The following AGAP1 variants were observed in gnomAD, a reference collection of about 807,000 sequenced individuals.
The protein encoded by AGAP1 is ArfGAP with GTPase domain, ankyrin repeat and PH domain 1.
Under a neutral mutation model 105.3 loss-of-function variants are expected in AGAP1, and 29 were observed. That is an observed-to-expected ratio of 0.28 (90% CI 0.21 to 0.38). The LOEUF is 0.38. AGAP1 is among the 10% of genes least tolerant of loss of function. The pLI, the probability that AGAP1 is intolerant of heterozygous loss-of-function variation, is 1.00. For missense variants in AGAP1, 998 were observed against 1,165.1 expected, an observed-to-expected ratio of 0.86 and a Z score of 2.09; for synonymous variants, 509 against 485.9, an observed-to-expected ratio of 1.05 and a Z score of -0.63.
chr2:235,936,008 G>T lies in AGAP1; in HGVS notation c.1483+5085G>T, dbSNP rs1469161777. On this transcript the variant is annotated intron_variant, in intron 12 of 17. Transcript: ENST00000304032. The surrounding 1 kb of genome is among the most constrained non-coding windows in gnomAD (Gnocchi z 4.7). ...TCCCCGCTGGCTCCTGCCTGGGCCAGCCTCGTCGGGTGGTCTCAGCTAATG... is the reference window on the plus strand; with the variant it reads ...TCCCCGCTGGCTCCTGCCTGGGCCATCCTCGTCGGGTGGTCTCAGCTAATG... Among the ~76,000 whole-genome samples the T allele has an allele frequency of 6.6e-6, 1 of 152,190 alleles. No homozygotes were observed. Among genetic ancestry groups the T allele is most frequent in the African/African-American group, 2.4e-5 (1 of 41,460 alleles).
intron 6 of AGAP1, among the ~76,000 whole-genome samples, chr2:235,782,583 T>C (rs748737170): frequency 7.1e-6 from 1 of 141,226 alleles, no homozygotes; most frequent in Non-Finnish European, 1.6e-5. Context: ...CTATGCTTGT[T>C]GTTTTTTTCC....
Position 235,660,256 on chromosome 2 carries a change from A to G in AGAP1, c.164-48923A>G, listed in dbSNP as rs1217660212. ...TCTTTCCCTAACCACTGGAGACTTC[A>G]TAGATAAACTTGCGGGGTCACGGTG... On this transcript the variant is annotated intron_variant, in intron 1 of 17. Transcript: ENST00000304032. This position sits in a 1 kb window ranked among gnomAD's most constrained non-coding sequence, Gnocchi z 5.3. Among the ~76,000 whole-genome samples, 2 of 152,172 alleles carry G rather than the reference A, an allele frequency of 1.3e-5. No individual in the cohort carries two copies. The highest frequency in any genetic ancestry group is 4.8e-5 in the African/African-American group (2 of 41,438).
chr2:235,772,025 T>G (rs1372611387), intron 6 of AGAP1, among the ~76,000 whole-genome samples: 1 of 144,194 alleles, frequency 6.9e-6, no homozygotes, highest in Non-Finnish European at 1.5e-5. Flanking sequence ...AGTTGGAGTC[T>G]CACTCTGTTG....
chr2:235,664,219 T>G lies in AGAP1; in HGVS notation c.164-44960T>G, dbSNP rs1162786477. Among the ~76,000 whole-genome samples the G allele has an allele frequency of 4.6e-5, 7 of 151,842 alleles. No homozygotes were observed. Among genetic ancestry groups the G allele is most frequent in the African/African-American group, 9.7e-5 (4 of 41,420 alleles). ...TTTAATATATAGTTTGTTTTTTTGT[T>G]TTTTTTTTCGAGACGGAGTTTCACT... is the stretch of plus-strand genomic sequence containing the variant. On this transcript the variant is annotated intron_variant, in intron 1 of 17. Coordinates refer to ENST00000304032, the MANE Select transcript of AGAP1 (RefSeq NM_001037131.3). This position sits in a 1 kb window ranked among gnomAD's most constrained non-coding sequence, Gnocchi z 5.7.
chr2:236,095,372 G>A lies in AGAP1; in HGVS notation c.2115-24820G>A, dbSNP rs2059167677. 6.6e-6 allele frequency among the ~76,000 whole-genome samples: 1 copy of A among 152,104 alleles called. No homozygotes were observed. The highest frequency in any genetic ancestry group is 1.5e-5 in the Non-Finnish European group (1 of 68,026). ...TGATCATGCCACTGCATTCCAGCCT[G>A]GTTGACAGAGTTAGACCTTGTCTTG... On this transcript the variant is annotated intron_variant, in intron 16 of 17. Coordinates refer to ENST00000304032, the MANE Select transcript of AGAP1 (RefSeq NM_001037131.3). This position sits in a 1 kb window ranked among gnomAD's most constrained non-coding sequence, Gnocchi z 4.1.
rs567440979 is a variant in AGAP1 at position 235,752,539 on chromosome 2, G to A, written c.673+2051G>A. ...GTGTCGATGGGCTGCAGCGGGTTTG[G>A]GCCCCTCTCCAGCTGTGACAGCAGA... On this transcript the variant is annotated intron_variant, in intron 6 of 17. Transcript: ENST00000304032. The surrounding 1 kb of genome is among the most constrained non-coding windows in gnomAD (Gnocchi z 4.3). Among the ~76,000 whole-genome samples the A allele has an allele frequency of 1.2e-4, 19 of 152,222 alleles. No individual in the cohort carries two copies. The South Asian group carries it at 3.9e-3, about 32-fold the overall frequency.
At chr2:235,651,338 A>G (rs752228677) in intron 1 of AGAP1, among the ~76,000 whole-genome samples, 3 of 152,092 alleles carry the variant, frequency 2.0e-5, no homozygotes, top group Non-Finnish European at 4.4e-5. Flanking sequence ...TCTGCCAGAT[A>G]TCTCCATCAG....
intron 6 of AGAP1, among the ~76,000 whole-genome samples, chr2:235,759,711 G>A (rs1243342551): frequency 1.3e-5 from 2 of 150,806 alleles, no homozygotes; most frequent in Non-Finnish European, 2.9e-5. Flanking sequence ...ATTTGGATGG[G>A]AAAATACATA....
At chr2:235,854,867 G>A (rs574412842) in intron 9 of AGAP1, among the ~76,000 whole-genome samples, 8 of 152,254 alleles carry the variant, frequency 5.3e-5, no homozygotes, top group Admixed American at 1.3e-4. Context: ...TAGTTTTGGA[G>A]TCTGCATCCT....
intron 3 of AGAP1, among the ~76,000 whole-genome samples, chr2:235,738,876 A>G (rs981011368): frequency 1.4e-4 from 22 of 152,076 alleles, no homozygotes; most frequent in Non-Finnish European, 2.9e-4. Context: ...TATTTTTCTT[A>G]AAACAGTCAA....
In AGAP1 at chr2:236,002,822, C is replaced by T. The variant is rs10929156; in HGVS notation, c.1646-33739C>T. Among the ~76,000 whole-genome samples the T allele has an allele frequency of 0.24, 37,136 of 151,766 alleles. 5,485 individuals are homozygous for T. The highest frequency in any genetic ancestry group is 0.35 in the South Asian group (1,665 of 4,790). ...ATAAATATTTATATGATATTTCTTG[C>T]GTTGAATTCAGTATGTGCTCAAGTT... is the stretch of plus-strand genomic sequence containing the variant. On this transcript the variant is annotated intron_variant, in intron 13 of 17. Coordinates refer to ENST00000304032, the MANE Select transcript of AGAP1 (RefSeq NM_001037131.3). This position sits in a 1 kb window ranked among gnomAD's most constrained non-coding sequence, Gnocchi z 4.3.
intron 12 of AGAP1, among the ~76,000 whole-genome samples, chr2:235,948,863 A>G (rs767160004): frequency 1.1e-4 from 16 of 152,220 alleles, no homozygotes; most frequent in Non-Finnish European, 1.9e-4. Context: ...CAGAGCAGCC[A>G]GGTATCAAAT....
chr2:235,513,350 G>A (rs1048598050), intron 1 of AGAP1, among the ~76,000 whole-genome samples: 1 of 151,830 alleles, frequency 6.6e-6, no homozygotes, highest in Non-Finnish European at 1.5e-5. Flanking sequence ...GTGAAACCCC[G>A]TCTCTACTAA....
At chr2:235,677,906 C>CAAAAAAA (rs61111847) in intron 1 of AGAP1, among the ~76,000 whole-genome samples, 6 of 62,996 alleles carry the variant, frequency 9.5e-5, no homozygotes, top group Non-Finnish European at 1.3e-4. Context: ...AGCTCTTTAC[C>CAAAAAAA]AAAAAAAAAA....
At chr2:235,832,597 C>T (rs901222652) in intron 9 of AGAP1, among the ~76,000 whole-genome samples, 1 of 152,236 alleles carries the variant, frequency 6.6e-6, no homozygotes, top group Non-Finnish European at 1.5e-5. Flanking sequence ...GACTTCATTG[C>T]AGCTAATAAG....
intron 1 of AGAP1, among the ~76,000 whole-genome samples, chr2:235,679,951 G>A (rs535036699): frequency 1.3e-5 from 2 of 152,350 alleles, no homozygotes; most frequent in East Asian, 3.9e-4. Context: ...ATGGTGTTAC[G>A]TGGATCTGTG....
chr2:235,920,130 A>G (rs775450811), intron 11 of AGAP1, among the ~76,000 whole-genome samples: 2 of 152,142 alleles, frequency 1.3e-5, no homozygotes, highest in African/African-American at 4.8e-5. Context: ...TAAATTTGTC[A>G]TTGCAACTGG....
In AGAP1 at chr2:235,799,934, G is replaced by T. The variant is rs1012019421; in HGVS notation, c.957+412G>T. The stretch of plus-strand genomic sequence containing the variant: ...TTCTTCTTCTGCTGGGGTGCCTGGC[G>T]CTGCCCTCGGGGTGGAGGTGGGGGA... On this transcript the variant is annotated intron_variant, in intron 8 of 17. Transcript: ENST00000304032. This position sits in a 1 kb window ranked among gnomAD's most constrained non-coding sequence, Gnocchi z 5.0. Among the ~76,000 whole-genome samples, 1 of 151,900 alleles carries T rather than the reference G, an allele frequency of 6.6e-6. No homozygotes were observed. Among genetic ancestry groups the T allele is most frequent in the Non-Finnish European group, 1.5e-5 (1 of 67,996 alleles).
chr2:236,032,911 G>C (rs981995976), intron 13 of AGAP1, among the ~76,000 whole-genome samples: 5 of 152,210 alleles, frequency 3.3e-5, no homozygotes, highest in African/African-American at 1.2e-4. Flanking sequence ...ACTTTCTTCT[G>C]TCCAGTATAC....
Sources: allele counts gnomAD v4.1 joint callset (sites outside exome capture counted in the v4.1 genomes callset), GRCh38; gene constraint gnomAD v4.1.1; non-coding constraint Gnocchi (gnomAD v3.1); transcripts MANE v1.5; gene names NCBI Gene and HGNC (gene_info 2026-07-23, HGNC 2026-07-21).